KCNC2: variants seen among roughly 807,000 people sequenced by gnomAD.
KCNC2 encodes voltage-gated potassium channel KCNC2.
A neutral mutation model predicts 44.5 loss-of-function variants in KCNC2; 21 were observed. The ratio of observed to expected loss-of-function variants is 0.47; its 90% CI spans 0.33 to 0.68. The LOEUF (loss-of-function observed/expected upper bound fraction) is 0.68. KCNC2 is among the 30% of genes least tolerant of loss of function. KCNC2 has a pLI of 0.01. For missense variants in KCNC2, 589 were observed against 826.2 expected (o/e 0.71, Z 3.52); for synonymous variants, 391 against 339.1 (o/e 1.15, Z -1.68).
intron 2 of KCNC2, among the ~76,000 whole-genome samples, chr12:75,194,160 A>G (rs2030553296): frequency 6.6e-6 from 1 of 152,082 alleles, no homozygotes; most frequent in African/African-American, 2.4e-5. Flanking sequence ...TCTACCCCAA[A>G]CCTCAGAATT....
rs201339164 is a variant in KCNC2 at position 75,042,374 on chromosome 12, T to A, written c.*731A>T. ...AGTAATGACAACCTCTTTGCAGTTA[T>A]CTGTGTGCAAACAACCAGAGACATT... is the stretch of plus-strand genomic sequence containing the variant. On this transcript the variant is annotated 3_prime_UTR_variant, in exon 5 of 5. Transcript: ENST00000549446. The A allele has an allele frequency of 3.7e-6, 6 of 1,611,058 alleles. No homozygotes were observed. The highest frequency in any genetic ancestry group is 1.3e-5 in the African/African-American group (1 of 74,812).
chr12:75,161,988 T>C (rs1891152702), intron 2 of KCNC2, among the ~76,000 whole-genome samples: 1 of 151,704 alleles, frequency 6.6e-6, no homozygotes, highest in Non-Finnish European at 1.5e-5. Context: ...CCAACATGTA[T>C]ACCACCCATT....
intron 2 of KCNC2, among the ~76,000 whole-genome samples, chr12:75,148,469 T>A (rs1890171969): frequency 6.6e-6 from 1 of 152,070 alleles, no homozygotes; most frequent in African/African-American, 2.4e-5. Flanking sequence ...ACTGGAAATA[T>A]TTGTTTTCTT....
Position 75,188,704 on chromosome 12 carries a change from C to T in KCNC2, c.687+18593G>A, listed in dbSNP as rs141065040. Among the ~76,000 whole-genome samples the T allele has an allele frequency of 5.9e-3, 887 of 151,154 alleles. 15 individuals carry two copies. In the East Asian group the frequency reaches 0.059, roughly 10 times the overall value. ...TGAAATCCTGTCTCTACTAAAAATA[C>T]AAAAAATTAGCTGGGCATGGTGGTG... On this transcript the variant is annotated intron_variant, in intron 2 of 4. Coordinates refer to ENST00000549446, the MANE Select transcript of KCNC2 (RefSeq NM_139137.4).
At chr12:75,202,829 C>A (rs2031393187) in intron 2 of KCNC2, among the ~76,000 whole-genome samples, 1 of 149,954 alleles carries the variant, frequency 6.7e-6, no homozygotes, top group Non-Finnish European at 1.5e-5. Context: ...TTTTTAACAC[C>A]TCTAGAATTT....
chr12:75,128,710 CA>C (rs558690770), intron 2 of KCNC2, among the ~76,000 whole-genome samples: 2 of 149,846 alleles, frequency 1.3e-5, no homozygotes, highest in Non-Finnish European at 1.5e-5. Context: ...TTATGTTAGT[CA>C]AAAAAAAAGG....
rs1565840518 is a variant in KCNC2, at chr12:75,084,321, T to TAGATAGAC, written c.688-33005_688-33004insGTCTATCT. On this transcript the variant is annotated intron_variant, in intron 2 of 4. Coordinates refer to ENST00000549446, the MANE Select transcript of KCNC2 (RefSeq NM_139137.4). ...ATAGATAGATAGATAGATAGATAGA[T>TAGATAGAC]AGATAGATAGATATACTATTATGTG... 1.8e-3 allele frequency among the ~76,000 whole-genome samples: 268 copies of TAGATAGAC among 151,772 alleles called. 1 individual carries two copies. Among genetic ancestry groups the TAGATAGAC allele is most frequent in the African/African-American group, 6.3e-3 (259 of 41,340 alleles).
intron 2 of KCNC2, among the ~76,000 whole-genome samples, chr12:75,136,743 G>T (rs1889258546): frequency 6.6e-6 from 1 of 152,158 alleles, no homozygotes; most frequent in Middle Eastern, 3.4e-3. Context: ...AGTTCTACCA[G>T]ATGTACAAAG....
At chr12:75,148,673 A>T (rs1283569427) in intron 2 of KCNC2, among the ~76,000 whole-genome samples, 1 of 152,008 alleles carries the variant, frequency 6.6e-6, no homozygotes, top group Non-Finnish European at 1.5e-5. Flanking sequence ...TTAACCAAAA[A>T]CATAAATCAA....
At chr12:75,072,468 C>A (rs1001809895) in intron 2 of KCNC2, among the ~76,000 whole-genome samples, 1 of 151,968 alleles carries the variant, frequency 6.6e-6, no homozygotes, top group Non-Finnish European at 1.5e-5. Flanking sequence ...TGTCTCAGAC[C>A]TTTCAGGGAG....
At chr12:75,086,671 A>ATATATATAT (rs1169816045) in intron 2 of KCNC2, among the ~76,000 whole-genome samples, 12 of 89,384 alleles carry the variant, frequency 1.3e-4, no homozygotes, top group African/African-American at 4.4e-4. Context: ...AAAAAAAAAA[A>ATATATATAT]AAAAAAAAAA....
chr12:75,198,151 T>C (rs1262796661), intron 2 of KCNC2, among the ~76,000 whole-genome samples: 1 of 151,966 alleles, frequency 6.6e-6, no homozygotes, highest in African/African-American at 2.4e-5. Flanking sequence ...TTGATCTTAT[T>C]AGTTTGCTTA....
chr12:75,139,972 C>T (rs1179750280), intron 2 of KCNC2, among the ~76,000 whole-genome samples: 1 of 152,144 alleles, frequency 6.6e-6, no homozygotes, highest in Non-Finnish European at 1.5e-5. Context: ...ATGTCAGTTA[C>T]TTATTGCTGC....
At chr12:75,150,720 T>C (rs1420610567) in intron 2 of KCNC2, among the ~76,000 whole-genome samples, 2 of 151,880 alleles carry the variant, frequency 1.3e-5, no homozygotes, top group Non-Finnish European at 2.9e-5. Context: ...TAATCAAGAT[T>C]TTATAGTTAC....
intron 2 of KCNC2, among the ~76,000 whole-genome samples, chr12:75,085,986 G>A (rs1884963322): frequency 6.6e-6 from 1 of 151,864 alleles, no homozygotes; most frequent in Non-Finnish European, 1.5e-5. Flanking sequence ...TTCTGCTGAA[G>A]GTGAAAGTCG....
chr12:75,141,557 C>G (rs929216567), intron 2 of KCNC2, among the ~76,000 whole-genome samples: 2 of 152,098 alleles, frequency 1.3e-5, no homozygotes, highest in East Asian at 3.9e-4. Context: ...CTCTTCTTCA[C>G]CTTTATTCAG....
chr12:75,069,594 C>A (rs1384495299), intron 2 of KCNC2, among the ~76,000 whole-genome samples: 1 of 152,016 alleles, frequency 6.6e-6, no homozygotes, highest in African/African-American at 2.4e-5. Context: ...AGATCTTACT[C>A]CAGTTATTTC....
intron 4 of KCNC2, among the ~76,000 whole-genome samples, chr12:75,047,022 A>T (rs992134487): frequency 6.6e-6 from 1 of 152,060 alleles, no homozygotes; most frequent in Non-Finnish European, 1.5e-5. Context: ...AGAAACTCCA[A>T]TGAATAACAA....
At chr12:75,128,639 C>A (rs1002290949) in intron 2 of KCNC2, among the ~76,000 whole-genome samples, 1 of 151,442 alleles carries the variant, frequency 6.6e-6, no homozygotes, top group African/African-American at 2.4e-5. Context: ...TTTTGTTCTT[C>A]AAATCCTACA....
Sources: gnomAD v4.1 joint callset for allele counts (sites outside exome capture counted in the v4.1 genomes callset) on GRCh38, gnomAD v4.1.1 for gene constraint, MANE v1.5 for transcripts, NCBI Gene and HGNC (gene_info 2026-07-23, HGNC 2026-07-21) for gene names.